The following TSPAN4 variants were observed in gnomAD, a reference collection of about 807,000 sequenced individuals.
TSPAN4 encodes the protein tetraspanin 4.
Under a neutral mutation model 31.5 loss-of-function variants are expected in TSPAN4, and 38 were observed. The ratio of observed to expected loss-of-function variants is 1.21; its 90% CI spans 0.93 to 1.58. The LOEUF is 1.58. TSPAN4 is among the 40% of genes most tolerant of loss of function. The pLI is 0.00. For missense variants in TSPAN4, 330 were observed against 317.3 expected (o/e 1.04, Z -0.30); for synonymous variants, 186 against 144.6 (o/e 1.29, Z -2.06).
chr11:864,148 T>G, intron 4 of TSPAN4: 1 of 507,134 alleles, frequency 2.0e-6, no homozygotes, highest in Non-Finnish European at 3.6e-6. Context: ...TGTGCCCACT[T>G]GGGGGTGTCT....
Position 848,880 on chromosome 11 carries a change from G to T in TSPAN4, c.-17-1408G>T. Reference sequence around the variant, plus strand: ...CCATCTCCGGCTGTGGGAGGTGTGTGCGCATCCGGCGTGATGACACCCAGG... The same window carrying T: ...CCATCTCCGGCTGTGGGAGGTGTGTTCGCATCCGGCGTGATGACACCCAGG... On this transcript the variant is annotated intron_variant, in intron 2 of 8. Transcript: ENST00000397397. This position sits in a 1 kb window ranked among gnomAD's most constrained non-coding sequence, Gnocchi z 5.7. 1.4e-6 allele frequency: 1 copy of T among 709,550 alleles called. No individual in the cohort carries two copies. Among genetic ancestry groups the T allele is most frequent in the Non-Finnish European group, 2.6e-6 (1 of 381,084 alleles). 44.0% of individuals were successfully genotyped at this position (709,550 alleles called of 1,614,324 possible).
In TSPAN4 at chr11:862,545, C is replaced by A; in HGVS notation, c.64-5C>A. ...GTCTGTGTCTCTCCTGTTGCTGTGCCCCAGCTGGGAGGCTGTGGCGTGCTG... is the reference window on the plus strand; with the variant it reads ...GTCTGTGTCTCTCCTGTTGCTGTGCACCAGCTGGGAGGCTGTGGCGTGCTG... On this transcript the variant is annotated splice_region_variant and splice_polypyrimidine_tract_variant and intron_variant, in intron 3 of 8. Coordinates refer to ENST00000397397, the MANE Select transcript of TSPAN4 (RefSeq NM_003271.5). 6.2e-7 allele frequency: 1 copy of A among 1,601,834 alleles called. No individual in the cohort carries two copies. Among genetic ancestry groups the A allele is most frequent in the Non-Finnish European group, 8.5e-7 (1 of 1,175,510 alleles).
At position 865,693 on chromosome 11, in the gene TSPAN4, G is replaced by C; in HGVS notation, c.433-1G>C. ...CAGCCCGACCTGAGCTTGCCCCCCA[G>C]TTCCGCTGCTGTGGCGTCTCCAACT... is the stretch of plus-strand genomic sequence containing the variant. On this transcript the variant is annotated splice_acceptor_variant, in intron 6 of 8. Transcript: ENST00000397397. LOFTEE classifies it high-confidence loss of function. The C allele has an allele frequency of 6.2e-7, 1 of 1,613,288 alleles. No homozygotes were observed. The highest frequency in any genetic ancestry group is 2.2e-5 in the East Asian group (1 of 44,872).
At chr11:846,105 G>GC (rs1847309878) in intron 1 of TSPAN4, among the ~76,000 whole-genome samples, 2 of 152,216 alleles carry the variant, frequency 1.3e-5, no homozygotes, top group South Asian at 4.1e-4. Flanking sequence ...GGCCTGGGGG[G>GC]CCAGGGTGTG....
intron 1 of TSPAN4, among the ~76,000 whole-genome samples, chr11:846,336 C>T (rs1847322856): frequency 6.6e-6 from 1 of 152,208 alleles, no homozygotes; most frequent in Admixed American, 6.5e-5. Context: ...TGTCTGAGAT[C>T]TCCTTGCAGC....
intron 4 of TSPAN4, chr11:863,297 C>G (rs1020214754): frequency 6.6e-6 from 1 of 152,330 alleles, no homozygotes; most frequent in Non-Finnish European, 1.5e-5. Flanking sequence ...TAGATGGAAA[C>G]ACAGGCTTGC....
Position 865,626 on chromosome 11 carries a change from G to C in TSPAN4, c.432+12G>C. ...TCATCCAGACCGACGTGAGGCGTGG[G>C]CAGGTGGGCGGGGTCGGCGGGTGCC... On this transcript the variant is annotated intron_variant, in intron 6 of 8. Transcript: ENST00000397397. 1.2e-6 allele frequency: 2 copies of C among 1,612,800 alleles called. No homozygotes were observed. Among genetic ancestry groups the C allele is most frequent in the Non-Finnish European group, 1.7e-6 (2 of 1,179,844 alleles).
chr11:855,999 T>C (rs1848022915), intron 3 of TSPAN4, among the ~76,000 whole-genome samples: 1 of 152,134 alleles, frequency 6.6e-6, no homozygotes. Flanking sequence ...GGAGGGAGCA[T>C]ACTCGATGGA....
intron 3 of TSPAN4, among the ~76,000 whole-genome samples, chr11:851,772 G>C (rs1322421314): frequency 1.3e-5 from 2 of 152,004 alleles, no homozygotes; most frequent in Non-Finnish European, 2.9e-5. Flanking sequence ...TTTCTGTGAC[G>C]GGGGGACGGG....
At chr11:862,443 C>G (rs901678808) in intron 3 of TSPAN4, 107 bp from the exon 4 acceptor site, 35 of 1,081,134 alleles carry the variant, frequency 3.2e-5, no homozygotes, top group Non-Finnish European at 4.4e-5. Flanking sequence ...CTGGCTCAGG[C>G]TGGCAGGCGG....
At chr11:862,384 T>C in intron 3 of TSPAN4, 166 bp from the exon 4 acceptor site, 1 of 622,724 alleles carries the variant, frequency 1.6e-6, no homozygotes, top group Non-Finnish European at 2.7e-6. Context: ...TGGCCTGCCC[T>C]GGACACCCCC....
intron 1 of TSPAN4, chr11:844,715 G>T (rs184734983): frequency 0.019 from 2,875 of 150,108 alleles, 124 homozygotes; most frequent in South Asian, 0.067. Flanking sequence ...CTGGGGGGGG[G>T]GGTCTGGGAT....
At chr11:864,932 T>A (rs1289753082) in intron 5 of TSPAN4, 1 of 75,120 alleles carries the variant, frequency 1.3e-5, no homozygotes, top group Non-Finnish European at 2.3e-5. Context: ...CACTCCGAGC[T>A]AGAACACACT....
chr11:865,664 G>A, intron 6 of TSPAN4, 30 bp from the exon 7 acceptor site: 1 of 1,612,624 alleles, frequency 6.2e-7, no homozygotes, highest in Non-Finnish European at 8.5e-7. Context: ...CTCCCCTCCT[G>A]CCTCAGCCCG....
chr11:856,556 C>CG (rs1056698546), intron 3 of TSPAN4, among the ~76,000 whole-genome samples: 53 of 152,244 alleles, frequency 3.5e-4, no homozygotes, highest in Admixed American at 4.6e-4. Context: ...GTCTGGCCTG[C>CG]GGCGGGGCAG....
Position 848,976 on chromosome 11 carries a change from G to T in TSPAN4, c.-17-1312G>T. The T allele has an allele frequency of 1.5e-6, 1 of 655,370 alleles. No individual in the cohort carries two copies. Among genetic ancestry groups the T allele is most frequent in the South Asian group, 1.7e-5 (1 of 59,674 alleles). 40.6% of individuals were successfully genotyped at this position (655,370 alleles called of 1,614,324 possible). The stretch of plus-strand genomic sequence containing the variant: ...AAGGGGTGGGGTGGGGTCTTTTACA[G>T]GCTGACTTCCAGCCTGGGCTGGAGC... On this transcript the variant is annotated intron_variant, in intron 2 of 8. Transcript: ENST00000397397. This position sits in a 1 kb window ranked among gnomAD's most constrained non-coding sequence, Gnocchi z 5.7.
At chr11:860,199 CGT>C (rs907399523) in intron 3 of TSPAN4, among the ~76,000 whole-genome samples, 7 of 152,310 alleles carry the variant, frequency 4.6e-5, no homozygotes, top group Admixed American at 4.6e-4. Flanking sequence ...ATGGCCTGAG[CGT>C]GTGTGGGACT....
intron 3 of TSPAN4, among the ~76,000 whole-genome samples, chr11:861,537 CCT>C (rs548209997): frequency 6.2e-4 from 95 of 152,180 alleles, no homozygotes; most frequent in African/African-American, 2.0e-3. Context: ...ACGGTGAAAC[CCT>C]GTCTCTACTA....
At chr11:866,023 GC>G in intron 8 of TSPAN4, 22 bp downstream of exon 8, 5 of 1,609,080 alleles carry the variant, frequency 3.1e-6, no homozygotes, top group Non-Finnish European at 4.2e-6. Context: ...GGGCCTGCGG[GC>G]TCCCTGCCCC....
Sources: allele counts gnomAD v4.1 joint callset (sites outside exome capture counted in the v4.1 genomes callset), GRCh38; gene constraint gnomAD v4.1.1; non-coding constraint Gnocchi (gnomAD v3.1); transcripts MANE v1.5; gene names NCBI Gene and HGNC (gene_info 2026-07-23, HGNC 2026-07-21).